CPNE8: variants seen among roughly 807,000 people sequenced by gnomAD.
CPNE8 encodes copine-8.
A neutral mutation model predicts 81.5 loss-of-function variants in CPNE8; 45 were observed. The ratio of observed to expected loss-of-function variants is 0.55; its 90% CI spans 0.44 to 0.71. The LOEUF is 0.71. CPNE8 is among the 30% of genes least tolerant of loss of function. CPNE8 has a pLI of 0.00. For synonymous variants in CPNE8, 252 were observed against 226.3 expected (o/e 1.11, Z -1.02); for missense variants, 594 against 672.1 (o/e 0.88, Z 1.28).
chr12:38,865,281 C>A (rs1943898248), intron 3 of CPNE8, among the ~76,000 whole-genome samples: 1 of 152,192 alleles, frequency 6.6e-6, no homozygotes, highest in Admixed American at 6.5e-5. Context: ...TCAGATATTT[C>A]ACTCCTACAT....
chr12:38,791,424 G>A (rs1189220949), intron 6 of CPNE8, among the ~76,000 whole-genome samples: 1 of 151,182 alleles, frequency 6.6e-6, no homozygotes, highest in South Asian at 2.1e-4. Context: ...CAGATTAATG[G>A]CTAAGGTAAT....
At chr12:38,734,503 T>A (rs1940908984) in intron 10 of CPNE8, among the ~76,000 whole-genome samples, 1 of 152,028 alleles carries the variant, frequency 6.6e-6, no homozygotes, top group African/African-American at 2.4e-5. Context: ...AAGGCCACCC[T>A]TCAATAGATA....
chr12:38,905,547 C>A lies in CPNE8; in HGVS notation c.-13G>T, dbSNP rs774169888. ...AGCGGCTGTCCATATTGGGAGGAGG[C>A]GCCTTGGACTTGTCCGGCGCCCACA... is the stretch of plus-strand genomic sequence containing the variant. On this transcript the variant is annotated 5_prime_UTR_variant, in exon 1 of 20. Coordinates refer to ENST00000331366, the MANE Select transcript of CPNE8 (RefSeq NM_153634.3). 7.1e-6 allele frequency: 11 copies of A among 1,554,066 alleles called. No homozygotes were observed. The highest frequency in any genetic ancestry group is 2.4e-5 in the South Asian group (2 of 84,496).
intron 6 of CPNE8, among the ~76,000 whole-genome samples, chr12:38,789,783 G>A (rs1942280227): frequency 6.6e-6 from 1 of 151,740 alleles, no homozygotes; most frequent in Non-Finnish European, 1.5e-5. Flanking sequence ...GAAAAAATGG[G>A]CAAAAGATCT....
At chr12:38,730,764 A>G (rs563258734) in intron 10 of CPNE8, among the ~76,000 whole-genome samples, 2 of 151,848 alleles carry the variant, frequency 1.3e-5, no homozygotes, top group East Asian at 3.9e-4. Context: ...TAATAATTTA[A>G]GAATCTTCAA....
At chr12:38,728,720 G>A (rs1385934017) in intron 11 of CPNE8, among the ~76,000 whole-genome samples, 1 of 152,036 alleles carries the variant, frequency 6.6e-6, no homozygotes, top group Non-Finnish European at 1.5e-5. Context: ...ACTAATGGCT[G>A]GAAATTTTTT....
intron 6 of CPNE8, among the ~76,000 whole-genome samples, chr12:38,826,368 G>A (rs550814495): frequency 3.9e-5 from 6 of 152,308 alleles, no homozygotes; most frequent in South Asian, 2.1e-4. Context: ...TATAGATGAA[G>A]CACAGCATGT....
At chr12:38,731,607 T>C (rs1156296532) in intron 10 of CPNE8, among the ~76,000 whole-genome samples, 2 of 151,936 alleles carry the variant, frequency 1.3e-5, no homozygotes, top group African/African-American at 4.8e-5. Context: ...CATTACTCTT[T>C]ATATCAATAG....
chr12:38,680,902 C>T (rs1298972827), intron 16 of CPNE8, among the ~76,000 whole-genome samples: 1 of 151,512 alleles, frequency 6.6e-6, no homozygotes, highest in Non-Finnish European at 1.5e-5. Context: ...TTAGAAGGTT[C>T]TCAATATCAG....
At position 38,837,216 on chromosome 12, in the gene CPNE8, G is replaced by T. The variant is rs1408453664; in HGVS notation, c.330+2700C>A. Among the ~76,000 whole-genome samples, 20 of 152,250 alleles carry T rather than the reference G, an allele frequency of 1.3e-4. No homozygotes were observed. The East Asian group carries it at 3.7e-3, about 28-fold the overall frequency. On this transcript the variant is annotated intron_variant, in intron 5 of 19. Transcript: ENST00000331366. Reference sequence around the variant, plus strand: ...TTTTTGTTAGAAGGAATAGGACTTGGTGGCTCAGTAAAAGTCAAACGTGAC... The same window carrying T: ...TTTTTGTTAGAAGGAATAGGACTTGTTGGCTCAGTAAAAGTCAAACGTGAC...
intron 18 of CPNE8, among the ~76,000 whole-genome samples, chr12:38,671,407 T>G (rs945381984): frequency 5.3e-5 from 8 of 152,142 alleles, no homozygotes; most frequent in Admixed American, 3.9e-4. Context: ...AATTTTTTTG[T>G]TGATTAAGAA....
In CPNE8 at chr12:38,653,977, G is replaced by A. The variant is rs1938762167; in HGVS notation, c.1600C>T (p.Gln534Ter). 6.2e-7 allele frequency: 1 copy of A among 1,613,616 alleles called. No individual in the cohort carries two copies. The highest frequency in any genetic ancestry group is 1.7e-5 in the Admixed American group (1 of 59,956). ...AKDVLAEIPE[Q>*]FLSYMRARGI... is the part of the protein sequence containing the mutation. The stretch of plus-strand genomic sequence containing the variant: ...CGGGCTCTCATATAGGAGAGAAACT[G>A]CTCAGGGATCTCAGCTAGGACATCT... The change falls in exon 20 of 20, where the codon CAG (glutamine) becomes TAG (stop). Residue 534 changes from glutamine (Q) to a stop codon, truncating the protein, a stop_gained. Coordinates refer to ENST00000331366, the MANE Select transcript of CPNE8 (RefSeq NM_153634.3). LOFTEE classifies it high-confidence loss of function.
chr12:38,852,086 A>C (rs1482911289), intron 3 of CPNE8, among the ~76,000 whole-genome samples: 1 of 152,108 alleles, frequency 6.6e-6, no homozygotes. Flanking sequence ...CTCTCATAGC[A>C]CCTGTCTTCC....
chr12:38,741,293 T>G (rs968946152), intron 10 of CPNE8, among the ~76,000 whole-genome samples: 3 of 152,156 alleles, frequency 2.0e-5, no homozygotes, highest in Admixed American at 2.0e-4. Context: ...ACTACAAGGC[T>G]ACAGTCACCA....
intron 19 of CPNE8, among the ~76,000 whole-genome samples, chr12:38,668,989 G>A (rs1456147083): frequency 6.6e-6 from 1 of 151,274 alleles, no homozygotes; most frequent in Admixed American, 6.6e-5. Flanking sequence ...AGGAGACGGA[G>A]CTTGCAGTGA....
At chr12:38,867,154 T>A (rs935606154) in intron 3 of CPNE8, among the ~76,000 whole-genome samples, 2 of 152,110 alleles carry the variant, frequency 1.3e-5, no homozygotes, top group Non-Finnish European at 2.9e-5. Flanking sequence ...CCACTGCACC[T>A]GGCCCTGAAC....
At chr12:38,892,790 C>T (rs78372664) in intron 1 of CPNE8, among the ~76,000 whole-genome samples, 1,524 of 152,152 alleles carry the variant, frequency 0.01, 21 homozygotes, top group African/African-American at 0.033. Flanking sequence ...TTAAAAGTAA[C>T]ATATTAGAAA....
chr12:38,731,754 A>G (rs1476378090), intron 10 of CPNE8, among the ~76,000 whole-genome samples: 1 of 151,962 alleles, frequency 6.6e-6, no homozygotes, highest in African/African-American at 2.4e-5. Flanking sequence ...TTACCCAGGG[A>G]AAAATCACAA....
intron 7 of CPNE8, among the ~76,000 whole-genome samples, chr12:38,768,603 T>C (rs1256922986): frequency 6.6e-6 from 1 of 152,138 alleles, no homozygotes; most frequent in African/African-American, 2.4e-5. Flanking sequence ...CACTGCAAGC[T>C]CCATCTCCTG....
Sources: allele counts gnomAD v4.1 joint callset (sites outside exome capture counted in the v4.1 genomes callset), GRCh38; gene constraint gnomAD v4.1.1; transcripts MANE v1.5; gene names NCBI Gene and HGNC (gene_info 2026-07-23, HGNC 2026-07-21).